ALMS1: variants seen among roughly 807,000 people sequenced by gnomAD.
ALMS1 encodes the protein ALMS1 centrosome and basal body associated protein, also known as centrosome-associated protein ALMS1.
In ALMS1, 271 loss-of-function variants were observed where a neutral mutation model predicts 352.2. The observed-to-expected ratio is 0.77, with a 90% CI of 0.70 to 0.85. ALMS1 has a LOEUF of 0.85. Ranked by LOEUF, ALMS1 falls within the 40% of genes least tolerant of loss-of-function variation. The pLI is 0.00. For synonymous variants in ALMS1, 1,865 were observed against 1,761.2 expected (o/e 1.06, Z -1.48); for missense variants, 5,445 against 4,870.7 (o/e 1.12, Z -3.51).
At chr2:73,505,549 C>T (rs937732850) in intron 10 of ALMS1, among the ~76,000 whole-genome samples, 1 of 152,008 alleles carries the variant, frequency 6.6e-6, no homozygotes. Context: ...TATCCTTCGC[C>T]CACTTTTTGA....
chr2:73,523,032 CCATCTAA>C (rs1257351699), intron 11 of ALMS1, among the ~76,000 whole-genome samples: 1 of 152,160 alleles, frequency 6.6e-6, no homozygotes, highest in Non-Finnish European at 1.5e-5. Context: ...CTAAGATCTT[CCATCTAA>C]CAACACTCAT....
intron 12 of ALMS1, among the ~76,000 whole-genome samples, chr2:73,545,820 C>T (rs534370375): frequency 2.7e-4 from 41 of 152,206 alleles, no homozygotes; most frequent in Non-Finnish European, 5.0e-4. Context: ...TGTGCATGCA[C>T]TCTACCCTTT....
Position 73,573,395 on chromosome 2 carries a change from T to C in ALMS1, c.11518T>C (p.Ser3840Pro). ...VLNTGHPLVT[S>P]EHTRRRHIQV... ...GAATACAGGTCATCCCCTAGTGACT[T>C]CTGAGCACACCAGAAGGAGACACAT... The change falls in exon 16 of 23, where the codon TCT (serine) becomes CCT (proline). Residue 3840 changes from serine to proline, a missense_variant. Ser to Pro is a moderately conservative substitution (Grantham distance 74). Coordinates refer to ENST00000613296, the MANE Select transcript of ALMS1 (RefSeq NM_001378454.1). 6.2e-7 allele frequency: 1 copy of C among 1,614,004 alleles called. No homozygotes were observed. Among genetic ancestry groups the C allele is most frequent in the Non-Finnish European group, 8.5e-7 (1 of 1,179,980 alleles).
At chr2:73,592,777 A>T (rs533808992) in intron 16 of ALMS1, among the ~76,000 whole-genome samples, 2 of 152,188 alleles carry the variant, frequency 1.3e-5, no homozygotes, top group Non-Finnish European at 2.9e-5. Context: ...GGTCTGTCTC[A>T]TGTCTTTAAT....
In ALMS1 at chr2:73,573,205, CG is replaced by C; in HGVS notation, c.11329del (p.Glu3777LysfsTer14). On this transcript the variant is annotated frameshift_variant, in exon 16 of 23. Transcript: ENST00000613296. LOFTEE classifies it high-confidence loss of function. ...AAACAGATAGAGAGGTGGCTCTGCA[CG>C]AAAGGAGTAGCTCTGTTTCCACTAT... ...TQTDREVALH[E>X]RSSSVSTIDT... 6.2e-7 allele frequency: 1 copy of C among 1,612,190 alleles called. No homozygotes were observed. The highest frequency in any genetic ancestry group is 8.5e-7 in the Non-Finnish European group (1 of 1,178,846).
Position 73,573,218 on chromosome 2 carries a change from T to C in ALMS1, c.11341T>C (p.Ser3781Pro), listed in dbSNP as rs1160364567. The change falls in exon 16 of 23, where the codon TCT becomes CCT. Residue 3781 changes from serine (S) to proline (P), a missense_variant. Coordinates refer to ENST00000613296, the MANE Select transcript of ALMS1 (RefSeq NM_001378454.1). ...GGTGGCTCTGCACGAAAGGAGTAGC[T>C]CTGTTTCCACTATTGACACTGCCCG... ...REVALHERSS[S>P]VSTIDTARLI... is the part of the protein sequence containing the mutation. 1.2e-6 allele frequency: 2 copies of C among 1,613,014 alleles called. No individual in the cohort carries two copies. Among genetic ancestry groups the C allele is most frequent in the African/African-American group, 1.3e-5 (1 of 74,858 alleles).
intron 1 of ALMS1, among the ~76,000 whole-genome samples, chr2:73,393,889 C>T (rs368615866): frequency 2.7e-5 from 4 of 150,838 alleles, no homozygotes; most frequent in South Asian, 2.1e-4. Flanking sequence ...GGTGCAATCT[C>T]GGCTCACTGC....
At chr2:73,502,220 A>G (rs1673233189) in intron 10 of ALMS1, among the ~76,000 whole-genome samples, 1 of 152,106 alleles carries the variant, frequency 6.6e-6, no homozygotes, top group Non-Finnish European at 1.5e-5. Context: ...CAAAAGTTCC[A>G]GTGGTTGACA....
At chr2:73,399,476 G>A (rs780842495) in intron 1 of ALMS1, among the ~76,000 whole-genome samples, 19 of 151,962 alleles carry the variant, frequency 1.3e-4, no homozygotes, top group African/African-American at 3.6e-4. Flanking sequence ...CTCACATGGC[G>A]AGAGCAGAAG....
At chr2:73,461,212 C>A in intron 9 of ALMS1, among the ~76,000 whole-genome samples, 1 of 152,228 alleles carries the variant, frequency 6.6e-6, no homozygotes, top group Non-Finnish European at 1.5e-5. Context: ...TGACACCTCA[C>A]ACGACCGGGT....
intron 10 of ALMS1, among the ~76,000 whole-genome samples, chr2:73,517,638 C>CTT (rs74558381): frequency 6.6e-6 from 1 of 150,862 alleles, no homozygotes; most frequent in Admixed American, 6.6e-5. Context: ...TTGTTAACAT[C>CTT]TTTTTTTTTC....
intron 1 of ALMS1, 145 bp from the exon 2 acceptor site, chr2:73,408,477 T>G (rs1671013960): frequency 1.1e-6 from 1 of 940,334 alleles, no homozygotes; most frequent in Admixed American, 2.1e-5. Flanking sequence ...GGATAATAGC[T>G]TGTATAATGG....
At chr2:73,597,056 T>C (rs1196323508) in intron 16 of ALMS1, among the ~76,000 whole-genome samples, 3 of 152,080 alleles carry the variant, frequency 2.0e-5, no homozygotes, top group Admixed American at 2.0e-4. Flanking sequence ...TTCCAATCCA[T>C]GTATGGTGAG....
intron 11 of ALMS1, among the ~76,000 whole-genome samples, chr2:73,526,314 T>C (rs1390076696): frequency 6.6e-6 from 1 of 152,176 alleles, no homozygotes; most frequent in Non-Finnish European, 1.5e-5. Flanking sequence ...CTGTGAAGAA[T>C]GTCATTAGTA....
intron 10 of ALMS1, among the ~76,000 whole-genome samples, chr2:73,510,912 C>T (rs565600927): frequency 1.1e-4 from 17 of 152,300 alleles, no homozygotes; most frequent in Admixed American, 1.0e-3. Context: ...GATGCCCTGC[C>T]CAGAGAGGAG....
Position 73,386,079 on chromosome 2 carries a change from G to T in ALMS1, c.211G>T (p.Glu71Ter), listed in dbSNP as rs757131983. 1 of 1,595,902 alleles carries T rather than the reference G, an allele frequency of 6.3e-7. No individual in the cohort carries two copies. Among genetic ancestry groups the T allele is most frequent in the Non-Finnish European group, 8.5e-7 (1 of 1,171,718 alleles). ...GPQHLESIDD[E>*]EDEEAKAWLQ... ...CCAGCATCTGGAAAGTATAGACGACGAGGAGGACGAGGAGGCCAAGGCCTG... is the reference window on the plus strand; with the variant it reads ...CCAGCATCTGGAAAGTATAGACGACTAGGAGGACGAGGAGGCCAAGGCCTG... Residue 71 changes from glutamate (E) to a stop codon, truncating the protein, a stop_gained, in exon 1 of 23, where the codon GAG becomes TAG. Transcript: ENST00000613296. LOFTEE classifies it high-confidence loss of function.
At chr2:73,594,763 C>T (rs1416215918) in intron 16 of ALMS1, among the ~76,000 whole-genome samples, 1 of 152,232 alleles carries the variant, frequency 6.6e-6, no homozygotes, top group Non-Finnish European at 1.5e-5. Flanking sequence ...CCCTCTGCCT[C>T]TCGGACCCCC....
chr2:73,419,189 A>G lies in ALMS1; in HGVS notation c.517A>G (p.Thr173Ala), dbSNP rs779801540. 1.2e-6 allele frequency: 2 copies of G among 1,614,076 alleles called. No homozygotes were observed. Among genetic ancestry groups the G allele is most frequent in the East Asian group, 4.5e-5 (2 of 44,868 alleles). Reference sequence around the variant, plus strand: ...TTCCCAAACCTTGGATACATCCCAGACTAGGTTTAATGTGAGAACGGAAGA... The same window carrying G: ...TTCCCAAACCTTGGATACATCCCAGGCTAGGTTTAATGTGAGAACGGAAGA... ...DSSQTLDTSQ[T>A]RFNVRTEDTE... Residue 173 changes from threonine to alanine, a missense_variant, in exon 3 of 23, where the codon ACT becomes GCT. By Grantham distance (58) the Thr-to-Ala change is moderately conservative (BLOSUM62 0). Transcript: ENST00000613296.
At chr2:73,394,496 C>A (rs1426383676) in intron 1 of ALMS1, among the ~76,000 whole-genome samples, 1 of 152,094 alleles carries the variant, frequency 6.6e-6, no homozygotes, top group Non-Finnish European at 1.5e-5. Flanking sequence ...ATTACAGATG[C>A]ACACCACCAT....
Sources: gnomAD v4.1 joint callset for allele counts (sites outside exome capture counted in the v4.1 genomes callset) on GRCh38, gnomAD v4.1.1 for gene constraint, MANE v1.5 for transcripts, NCBI Gene and HGNC (gene_info 2026-07-23, HGNC 2026-07-21) for gene names.